FAM3C: variants seen among roughly 807,000 people sequenced by gnomAD.
FAM3C encodes the protein protein FAM3C.
FAM3C carries 15 observed loss-of-function variants against 32.5 expected under a neutral mutation model. The observed-to-expected ratio is 0.46, with a 90% confidence interval of 0.31 to 0.71. The LOEUF is 0.71. FAM3C is among the 30% of genes least tolerant of loss of function. The probability of loss-of-function intolerance (pLI) is 0.05; values close to 1 mark genes in which losing one functional copy is unlikely to be tolerated. For synonymous variants in FAM3C, 75 were observed against 86.1 expected (o/e 0.87, Z 0.72); for missense variants, 175 against 274.4 (o/e 0.64, Z 2.56).
intron 8 of FAM3C, 77 bp downstream of exon 8, chr7:121,359,966 G>A (rs569173282): frequency 7.8e-5 from 57 of 728,000 alleles, no homozygotes; most frequent in Non-Finnish European, 1.1e-4. Context: ...CTATGTTACA[G>A]ATTTTTTTTT....
chr7:121,352,081 A>G (rs546918876), intron 8 of FAM3C, among the ~76,000 whole-genome samples: 4 of 152,306 alleles, frequency 2.6e-5, no homozygotes, highest in Admixed American at 6.5e-5. Context: ...AGTCCTATAT[A>G]CTGCGCAAAA....
intron 1 of FAM3C, among the ~76,000 whole-genome samples, chr7:121,386,286 T>C (rs1031816623): frequency 1.3e-5 from 2 of 152,142 alleles, no homozygotes; most frequent in Non-Finnish European, 2.9e-5. Flanking sequence ...AGAGAAACTA[T>C]CATTCAATTC....
At chr7:121,390,549 G>A (rs769919454) in intron 1 of FAM3C, among the ~76,000 whole-genome samples, 8 of 152,168 alleles carry the variant, frequency 5.3e-5, no homozygotes, top group Non-Finnish European at 8.8e-5. Flanking sequence ...GAGTCATGCA[G>A]CTGAAAGCTA....
chr7:121,365,590 TTATG>T (rs1247903609), intron 5 of FAM3C, among the ~76,000 whole-genome samples: 1 of 151,992 alleles, frequency 6.6e-6, no homozygotes, highest in Non-Finnish European at 1.5e-5. Flanking sequence ...TTTAAAATGT[TTATG>T]TAACTCATAG....
intron 1 of FAM3C, among the ~76,000 whole-genome samples, chr7:121,384,799 A>C (rs934261972): frequency 6.6e-6 from 1 of 152,216 alleles, no homozygotes; most frequent in Non-Finnish European, 1.5e-5. Flanking sequence ...CTCAGCCATA[A>C]CATGCCTCAA....
At chr7:121,388,317 G>A (rs1004435112) in intron 1 of FAM3C, among the ~76,000 whole-genome samples, 1 of 151,468 alleles carries the variant, frequency 6.6e-6, no homozygotes, top group Admixed American at 6.6e-5. Flanking sequence ...CACAAATAAA[G>A]GGAGATTTTT....
chr7:121,372,869 A>C (rs997879555), intron 3 of FAM3C, among the ~76,000 whole-genome samples: 4 of 152,202 alleles, frequency 2.6e-5, no homozygotes, highest in African/African-American at 9.6e-5. Flanking sequence ...ATAGTCACAC[A>C]GTTTTTAGTT....
intron 1 of FAM3C, among the ~76,000 whole-genome samples, chr7:121,386,205 T>G (rs555538886): frequency 6.6e-6 from 1 of 152,228 alleles, no homozygotes; most frequent in African/African-American, 2.4e-5. Flanking sequence ...CCCTTTGATG[T>G]ACCTACTTAA....
chr7:121,381,713 T>C (rs1203905368), intron 2 of FAM3C, among the ~76,000 whole-genome samples: 3 of 146,924 alleles, frequency 2.0e-5, no homozygotes, highest in Non-Finnish European at 3.0e-5. Flanking sequence ...AAAAAGACAT[T>C]GCAACACATT....
intron 5 of FAM3C, among the ~76,000 whole-genome samples, chr7:121,365,262 G>A (rs1357503304): frequency 6.6e-6 from 1 of 152,078 alleles, no homozygotes; most frequent in Non-Finnish European, 1.5e-5. Flanking sequence ...ACAAACGTTG[G>A]ATCTATGTTA....
intron 4 of FAM3C, 67 bp downstream of exon 4, chr7:121,372,043 G>T: frequency 6.8e-6 from 8 of 1,171,628 alleles, no homozygotes; most frequent in South Asian, 1.5e-5. Context: ...CTGACACTTT[G>T]AATATAAGCT....
At chr7:121,393,878 G>C (rs1455873468) in intron 1 of FAM3C, among the ~76,000 whole-genome samples, 1 of 152,170 alleles carries the variant, frequency 6.6e-6, no homozygotes, top group Non-Finnish European at 1.5e-5. Context: ...TTCAAATCCT[G>C]ATCATCTGAT....
chr7:121,363,603 G>C (rs1227957967), intron 6 of FAM3C, among the ~76,000 whole-genome samples: 1 of 152,100 alleles, frequency 6.6e-6, no homozygotes, highest in African/African-American at 2.4e-5. Context: ...TACCAGAACA[G>C]AGAGGATCAA....
intron 3 of FAM3C, among the ~76,000 whole-genome samples, chr7:121,376,853 A>G (rs1182129470): frequency 3.9e-5 from 6 of 152,150 alleles, no homozygotes; most frequent in African/African-American, 1.4e-4. Flanking sequence ...AGCTGTCAGA[A>G]ATGCAGAATC....
chr7:121,390,785 G>A (rs1584711446), intron 1 of FAM3C, among the ~76,000 whole-genome samples: 4 of 138,658 alleles, frequency 2.9e-5, no homozygotes, highest in East Asian at 4.3e-4. Flanking sequence ...ACTGTCATTC[G>A]TGCTCAGATC....
chr7:121,394,288 C>G (rs978915483), intron 1 of FAM3C, among the ~76,000 whole-genome samples: 55 of 152,342 alleles, frequency 3.6e-4, no homozygotes, highest in African/African-American at 1.2e-3. Flanking sequence ...GCCTCTTAGC[C>G]TTTTGGCTGT....
At chr7:121,363,210 T>C (rs1283021833) in intron 6 of FAM3C, among the ~76,000 whole-genome samples, 1 of 152,168 alleles carries the variant, frequency 6.6e-6, no homozygotes, top group Non-Finnish European at 1.5e-5. Context: ...TAAATAGAAG[T>C]TCATTACTGA....
chr7:121,371,248 T>C (rs185460464), intron 5 of FAM3C, 52 bp downstream of exon 5: 18 of 1,592,936 alleles, frequency 1.1e-5, no homozygotes, highest in East Asian at 6.7e-5. Context: ...TCAGGTTCAA[T>C]TGGCTGCAAT....
intron 8 of FAM3C, among the ~76,000 whole-genome samples, chr7:121,357,118 T>C (rs1584690160): frequency 6.6e-6 from 1 of 152,120 alleles, no homozygotes; most frequent in African/African-American, 2.4e-5. Flanking sequence ...AAACACACTC[T>C]GGGAAATAAT....
Sources: allele counts gnomAD v4.1 joint callset (sites outside exome capture counted in the v4.1 genomes callset), GRCh38; gene constraint gnomAD v4.1.1; transcripts MANE v1.5; gene names NCBI Gene and HGNC (gene_info 2026-07-23, HGNC 2026-07-21).